The following PYCR3 variants were observed in gnomAD, a reference collection of about 807,000 sequenced individuals.
PYCR3 encodes the protein P5C reductase 3.
Under a neutral mutation model 23.4 loss-of-function variants are expected in PYCR3, and 26 were observed. The ratio of observed to expected loss-of-function variants is 1.11; its 90% CI spans 0.81 to 1.54. The LOEUF is 1.54. Among genes scored for constraint, PYCR3 ranks in the 40% most tolerant of loss-of-function variants. The pLI is 0.00. For missense variants in PYCR3, 360 were observed against 376.3 expected (o/e 0.96, Z 0.36); for synonymous variants, 194 against 162.6 (o/e 1.19, Z -1.47).
intron 1 of PYCR3, chr8:143,608,725 G>A (rs775129028): frequency 2.3e-6 from 1 of 430,914 alleles, no homozygotes; most frequent in Non-Finnish European, 4.7e-6. Flanking sequence ...AAACACACCA[G>A]TACTAAGCTC....
chr8:143,609,323 G>T, intron 1 of PYCR3, 135 bp downstream of exon 1: 1 of 1,036,600 alleles, frequency 9.6e-7, no homozygotes, highest in Non-Finnish European at 1.3e-6. Flanking sequence ...GCAAACAGGC[G>T]TGGCCCCGGC....
chr8:143,607,293 C>T (rs1291995379), intron 2 of PYCR3, among the ~76,000 whole-genome samples, 161 bp from the exon 3 acceptor site: 2 of 152,102 alleles, frequency 1.3e-5, no homozygotes, highest in African/African-American at 2.4e-5. Context: ...CCAAGACTCC[C>T]CCAGACTAGC....
At chr8:143,606,776 G>T (rs540448492) in intron 3 of PYCR3, 97 bp from the exon 4 acceptor site, 28 of 1,372,624 alleles carry the variant, frequency 2.0e-5, no homozygotes, top group Non-Finnish European at 2.7e-5. Context: ...GTCAGCTCGC[G>T]GTGGGCTCCA....
intron 1 of PYCR3, chr8:143,608,578 T>C (rs1037515049): frequency 9.1e-6 from 3 of 328,500 alleles, no homozygotes; most frequent in African/African-American, 4.4e-5. Flanking sequence ...AAAGGCTAAA[T>C]GCCTACTTGG....
intron 4 of PYCR3, 25 bp from the exon 5 acceptor site, chr8:143,606,179 G>A (rs1324690594): frequency 1.3e-6 from 2 of 1,585,822 alleles, no homozygotes; most frequent in Non-Finnish European, 1.7e-6. Context: ...TGGTGGTTGG[G>A]GGGGATAGGT....
intron 2 of PYCR3, 144 bp from the exon 3 acceptor site, chr8:143,607,276 C>T (rs1829429114): frequency 1.3e-6 from 1 of 771,866 alleles, no homozygotes; most frequent in Non-Finnish European, 2.0e-6. Flanking sequence ...CCCGACTTCT[C>T]CAGTGCCCAA....
At position 143,606,196 on chromosome 8, in the gene PYCR3, G is replaced by T. The variant is rs768845666; in HGVS notation, c.550-42C>A. ...GTGGTTGGGGGGGATAGGTGTCAAA[G>T]CCTGGGGGCTCAGGACCTTCAGGAA... On this transcript the variant is annotated intron_variant, in intron 4 of 5. Transcript: ENST00000495276. 58 of 1,548,654 alleles carry T rather than the reference G, an allele frequency of 3.7e-5. No individual in the cohort carries two copies. The Admixed American group carries it at 9.2e-4, about 25-fold the overall frequency.
rs1380561148 is a variant in PYCR3, at chr8:143,609,468, G to A, written c.81C>T (p.Leu27=). The A allele has an allele frequency of 8.6e-6, 13 of 1,511,244 alleles. No homozygotes were observed. The highest frequency in any genetic ancestry group is 4.3e-5 in the African/African-American group (3 of 69,302). 93.6% of individuals were successfully genotyped at this position (1,511,244 alleles called of 1,614,324 possible). A position where few individuals can be genotyped will look rare whatever the true frequency, so the allele number is the denominator to read the frequency against. ...GRMAGAIAQG[L]IRAGKVEAQH... ...CCCGCGCCGCCCCACCTGCTCTGATGAGGCCCTGCGCGATGGCCCCCGCCA... is the reference window on the plus strand; with the variant it reads ...CCCGCGCCGCCCCACCTGCTCTGATAAGGCCCTGCGCGATGGCCCCCGCCA... The change falls in exon 1 of 6, where the codon CTC becomes CTT. Residue 27 remains leucine, a synonymous_variant. Coordinates refer to ENST00000495276, the MANE Select transcript of PYCR3 (RefSeq NM_023078.6).
At position 143,607,124 on chromosome 8, in the gene PYCR3, A is replaced by T; in HGVS notation, c.165T>A (p.Gly55=). The T allele has an allele frequency of 6.3e-7, 1 of 1,580,262 alleles. No homozygotes were observed. Among genetic ancestry groups the T allele is most frequent in the African/African-American group, 1.3e-5 (1 of 74,124 alleles). ...CCTGGTTGGAGTGCGTGGTCCGGCA[A>T]CCCAGAGCCTGCGCCAGGGACACCA... The part of the protein sequence containing the change: ...DRNLCHFQAL[G]CRTTHSNQEV... Residue 55 remains glycine, a synonymous_variant, in exon 3 of 6, where the codon GGT becomes GGA. Coordinates refer to ENST00000495276, the MANE Select transcript of PYCR3 (RefSeq NM_023078.6).
chr8:143,606,781 G>A (rs1587288300), intron 3 of PYCR3, 102 bp from the exon 4 acceptor site: 26 of 1,359,168 alleles, frequency 1.9e-5, no homozygotes, highest in Non-Finnish European at 2.6e-5. Flanking sequence ...CTCGCGGTGG[G>A]CTCCAGCGTC....
chr8:143,608,780 G>A (rs984459010), intron 1 of PYCR3: 26 of 456,218 alleles, frequency 5.7e-5, no homozygotes, highest in African/African-American at 4.6e-4. Context: ...AGCTCTGGGA[G>A]GCATGCGGTA....
Position 143,607,207 on chromosome 8 carries a change from C to G in PYCR3, c.157-75G>C, listed in dbSNP as rs1829427293. The G allele has an allele frequency of 2.2e-6, 3 of 1,353,558 alleles. No individual in the cohort carries two copies. The South Asian group carries it at 4.4e-5, about 20-fold the overall frequency. The allele number at this position is 1,353,558 out of a possible 1,614,324, so 83.8% of individuals were successfully genotyped here. ...ACCCTCTCCATCACAGCCCTTCCTG[C>G]TGGATGCCACACGTTCCCATGGTCC... On this transcript the variant is annotated intron_variant, in intron 2 of 5. Coordinates refer to ENST00000495276, the MANE Select transcript of PYCR3 (RefSeq NM_023078.6).
At position 143,604,551 on chromosome 8, in the gene PYCR3, G is replaced by A. The variant is rs781199857; in HGVS notation, c.*1149C>T. On this transcript the variant is annotated 3_prime_UTR_variant, in exon 6 of 6. Coordinates refer to ENST00000495276, the MANE Select transcript of PYCR3 (RefSeq NM_023078.6). ...ACAGCAGGACCCGCCGCCCAGCCTCGCTGAGGGCATGCTCCCGCCTCACCT... is the reference window on the plus strand; with the variant it reads ...ACAGCAGGACCCGCCGCCCAGCCTCACTGAGGGCATGCTCCCGCCTCACCT... The A allele has an allele frequency of 1.0e-5, 3 of 290,496 alleles. No individual in the cohort carries two copies. Among genetic ancestry groups the A allele is most frequent in the African/African-American group, 2.3e-5 (1 of 43,910 alleles). 18.0% of individuals were successfully genotyped at this position (290,496 alleles called of 1,614,324 possible).
At position 143,605,776 on chromosome 8, in the gene PYCR3, T is replaced by C. The variant is rs1229809680; in HGVS notation, c.749A>G (p.Gln250Arg). Residue 250 changes from glutamine to arginine, a missense_variant, in exon 6 of 6, where the codon CAG becomes CGG. By Grantham distance (43) the Gln-to-Arg change is conservative. Transcript: ENST00000495276. Reference protein sequence around the residue: ...TTIYGLHALEQGGLRAATMSA... With the variant: ...TTIYGLHALERGGLRAATMSA... Reference sequence around the variant, plus strand: ...CATGGTGGCTGCTCGCAGCCCGCCCTGCTCCAGGGCGTGGAGTCCATAGAT... The same window carrying C: ...CATGGTGGCTGCTCGCAGCCCGCCCCGCTCCAGGGCGTGGAGTCCATAGAT... The C allele has an allele frequency of 1.2e-6, 2 of 1,611,442 alleles. No homozygotes were observed. The highest frequency in any genetic ancestry group is 1.7e-6 in the Non-Finnish European group (2 of 1,179,230).
chr8:143,609,422 A>C, intron 1 of PYCR3, 36 bp downstream of exon 1: 3 of 1,468,652 alleles, frequency 2.0e-6, no homozygotes, highest in Non-Finnish European at 2.7e-6. Flanking sequence ...GGCTGCTCCC[A>C]CTCCAGACCG....
intron 5 of PYCR3, 74 bp from the exon 6 acceptor site, chr8:143,605,956 TC>T: frequency 6.4e-7 from 1 of 1,562,296 alleles, no homozygotes. Flanking sequence ...CCTCGTTGCA[TC>T]CCCCAACCTT....
chr8:143,603,638 G>C lies in PYCR3; in HGVS notation c.*2062C>G, dbSNP rs1272303736. The stretch of plus-strand genomic sequence containing the variant: ...TGTGAATGCAGGTGGCCGTCAGAAG[G>C]GCTGTCCACCTTCCTTCAGGGGGCC... On this transcript the variant is annotated 3_prime_UTR_variant, in exon 6 of 6. Coordinates refer to ENST00000495276, the MANE Select transcript of PYCR3 (RefSeq NM_023078.6). 6.6e-6 allele frequency among the ~76,000 whole-genome samples: 1 copy of C among 152,180 alleles called. No individual in the cohort carries two copies. The highest frequency in any genetic ancestry group is 2.4e-5 in the African/African-American group (1 of 41,440).
chr8:143,608,854 C>CAGGG, intron 1 of PYCR3: 1 of 456,658 alleles, frequency 2.2e-6, no homozygotes, highest in Non-Finnish European at 4.4e-6. Flanking sequence ...TTGATCTTGA[C>CAGGG]TCTTCTGGAC....
In PYCR3 at chr8:143,604,830, G is replaced by C. The variant is rs570408921; in HGVS notation, c.*870C>G. 1.3e-4 allele frequency: 58 copies of C among 456,748 alleles called. No homozygotes were observed. Among genetic ancestry groups the C allele is most frequent in the South Asian group, 9.0e-4 (58 of 64,454 alleles). The allele number at this position is 456,748 out of a possible 1,614,324, so 28.3% of individuals were successfully genotyped here. ...CTTGCCATCAGAGGCCAGTGTGGTG[G>C]TGCCAGAGCTACGGGGTATTCCAGG... On this transcript the variant is annotated 3_prime_UTR_variant, in exon 6 of 6. Transcript: ENST00000495276.
Sources: allele counts gnomAD v4.1 joint callset (sites outside exome capture counted in the v4.1 genomes callset), GRCh38; gene constraint gnomAD v4.1.1; transcripts MANE v1.5; gene names NCBI Gene and HGNC (gene_info 2026-07-23, HGNC 2026-07-21).